Variants in DYRK1A observed in about 807,000 individuals in gnomAD.
DYRK1A encodes dual specificity tyrosine phosphorylation regulated kinase 1A, also known as dual specificity tyrosine-phosphorylation-regulated kinase 1A.
Under a neutral mutation model 79.7 loss-of-function variants are expected in DYRK1A, and 9 were observed. The observed-to-expected ratio is 0.11, with a 90% CI of 0.07 to 0.20. The LOEUF is 0.20. Ranked by LOEUF, DYRK1A falls within the 10% of genes least tolerant of loss-of-function variation. The pLI, the probability that DYRK1A is intolerant of heterozygous loss-of-function variation, is 1.00. For synonymous variants in DYRK1A, 349 were observed against 329.7 expected, an observed-to-expected ratio of 1.06 and a Z score of -0.63; for missense variants, 622 against 956.0, an observed-to-expected ratio of 0.65 and a Z score of 4.61.
chr21:37,472,842 T>C lies in DYRK1A; in HGVS notation c.169T>C (p.Ser57Pro), dbSNP rs1049763. ...NISDQQVSAL[S>P]YSDQIQQPLT... is the part of the protein sequence containing the mutation. ...AAGTGACCAACAGGTTTCTGCCTTA[T>C]CATATTCTGACCAGATTCAGCAACC... The change falls in exon 3 of 12, where the codon TCA becomes CCA. Residue 57 changes from serine to proline, a missense_variant. Around this residue, in one of 5 missense-constraint regions of DYRK1A, gnomAD observed 91 missense variants for 113.8 expected, o/e 0.80. Transcript: ENST00000647188. 1.6e-5 allele frequency: 25 copies of C among 1,602,810 alleles called. No homozygotes were observed. The East Asian group carries it at 2.5e-4, about 16-fold the overall frequency.
At chr21:37,477,294 CA>C (rs1327567409) in intron 3 of DYRK1A, among the ~76,000 whole-genome samples, 9 of 152,126 alleles carry the variant, frequency 5.9e-5, no homozygotes, top group African/African-American at 1.7e-4. Context: ...AAAGATGGGC[CA>C]GGGGGAATGG....
intron 1 of DYRK1A, among the ~76,000 whole-genome samples, chr21:37,393,781 G>C (rs1374821932): frequency 6.6e-6 from 1 of 152,232 alleles, no homozygotes; most frequent in Non-Finnish European, 1.5e-5. Flanking sequence ...GCATCTGCTG[G>C]CACTGGGCAG....
intron 4 of DYRK1A, among the ~76,000 whole-genome samples, chr21:37,479,589 G>GTTTTTTTTTTTTTTT (rs1569361929): frequency 4.0e-5 from 3 of 74,380 alleles, no homozygotes; most frequent in Admixed American, 1.8e-4. Flanking sequence ...CAGTGTTGGT[G>GTTTTTTTTTTTTTTT]TTTTGTTTTT....
intron 11 of DYRK1A, among the ~76,000 whole-genome samples, chr21:37,506,968 C>CA (rs2053615652): frequency 6.6e-6 from 1 of 152,192 alleles, no homozygotes; most frequent in South Asian, 2.1e-4. Context: ...TGTTAATACT[C>CA]ACCAACCTCT....
rs1351019089 is a variant in DYRK1A at position 37,515,174 on chromosome 21, C to T, written c.*2643C>T. 4.6e-5 allele frequency: 7 copies of T among 152,530 alleles called. No homozygotes were observed. Among genetic ancestry groups the T allele is most frequent in the Non-Finnish European group, 2.9e-5 (2 of 68,034 alleles). 9.4% of individuals were successfully genotyped at this position (152,530 alleles called of 1,614,324 possible). A position where few individuals can be genotyped will look rare whatever the true frequency, so the allele number is the denominator to read the frequency against. Reference sequence around the variant, plus strand: ...TATGATAAACAGTTGAATAATTTGTCCTCAGACTCTTTACTATGCTTTTTT... The same window carrying T: ...TATGATAAACAGTTGAATAATTTGTTCTCAGACTCTTTACTATGCTTTTTT... On this transcript the variant is annotated 3_prime_UTR_variant, in exon 12 of 12. Transcript: ENST00000647188.
At chr21:37,480,880 A>T in intron 5 of DYRK1A, 54 bp downstream of exon 5, 2 of 1,441,112 alleles carry the variant, frequency 1.4e-6, no homozygotes, top group Admixed American at 2.2e-5. Flanking sequence ...TTCTTAGTGA[A>T]TCTTGTTGTT....
intron 2 of DYRK1A, among the ~76,000 whole-genome samples, chr21:37,461,387 T>C (rs2051833166): frequency 6.6e-6 from 1 of 152,256 alleles, no homozygotes; most frequent in African/African-American, 2.4e-5. Context: ...CTCCACAATG[T>C]TATTTTTGCT....
intron 3 of DYRK1A, among the ~76,000 whole-genome samples, chr21:37,476,337 C>T (rs1280057355): frequency 6.6e-6 from 1 of 152,174 alleles, no homozygotes. Context: ...ATGCTAAAAA[C>T]ATGTTGTTCA....
intron 2 of DYRK1A, among the ~76,000 whole-genome samples, chr21:37,449,579 G>A (rs1405373527): frequency 6.6e-6 from 1 of 152,160 alleles, no homozygotes. Context: ...AACTGCAAGG[G>A]AGGCTGGAAA....
intron 2 of DYRK1A, among the ~76,000 whole-genome samples, chr21:37,453,882 C>G (rs1300247173): frequency 6.6e-6 from 1 of 152,022 alleles, no homozygotes; most frequent in Admixed American, 6.6e-5. Context: ...TGGTATCACT[C>G]AGCTAGAAAA....
At chr21:37,443,637 T>C (rs538477288) in intron 2 of DYRK1A, among the ~76,000 whole-genome samples, 2 of 152,292 alleles carry the variant, frequency 1.3e-5, no homozygotes, top group African/African-American at 4.8e-5. Flanking sequence ...ATGGGAGCAG[T>C]GTAGTCCTGT....
chr21:37,373,213 C>G (rs1403941574), intron 1 of DYRK1A, among the ~76,000 whole-genome samples: 3 of 152,152 alleles, frequency 2.0e-5, no homozygotes, highest in Non-Finnish European at 2.9e-5. Context: ...ACCGGCTGCC[C>G]TGCCCAGGAT....
chr21:37,365,906 C>T (rs997127198), upstream of DYRK1A: 3 of 152,318 alleles, frequency 2.0e-5, no homozygotes, highest in African/African-American at 7.2e-5. Context: ...TTCATGATGG[C>T]TCCAGCCTAA....
intron 7 of DYRK1A, 52 bp downstream of exon 7, chr21:37,490,513 G>A: frequency 1.3e-6 from 2 of 1,528,600 alleles, no homozygotes; most frequent in South Asian, 1.3e-5. Flanking sequence ...ATAGAAGTAG[G>A]TAGGACAGTG....
intron 1 of DYRK1A, among the ~76,000 whole-genome samples, chr21:37,369,805 C>G (rs775827416): frequency 2.6e-5 from 4 of 152,170 alleles, no homozygotes; most frequent in Non-Finnish European, 5.9e-5. Context: ...GTTTTGAGAT[C>G]TAAGTATAAG....
intron 2 of DYRK1A, among the ~76,000 whole-genome samples, chr21:37,441,653 A>G (rs2051107200): frequency 6.6e-6 from 1 of 152,150 alleles, no homozygotes; most frequent in Non-Finnish European, 1.5e-5. Context: ...TGACCATACC[A>G]TAGTATTCTT....
In DYRK1A at chr21:37,445,427, A is replaced by T. The variant is rs576390648; in HGVS notation, c.10+25043A>T. ...GAGCATTTACTGTGCCAAGCATTTC[A>T]TGTTGGTGCGGGGGATGAAGTAGTG... On this transcript the variant is annotated intron_variant, in intron 2 of 11. Transcript: ENST00000647188. Among the ~76,000 whole-genome samples the T allele has an allele frequency of 5.3e-5, 8 of 152,304 alleles. 1 individual carries two copies. The South Asian group carries it at 1.7e-3, about 32-fold the overall frequency.
At chr21:37,420,213 G>T in intron 1 of DYRK1A, 86 bp from the exon 2 acceptor site, 1 of 448,368 alleles carries the variant, frequency 2.2e-6, no homozygotes. Context: ...TTATGTTTTG[G>T]GATTGTAGTT....
chr21:37,481,422 A>G (rs1219493236), intron 5 of DYRK1A: 2 of 151,946 alleles, frequency 1.3e-5, no homozygotes, highest in Non-Finnish European at 2.9e-5. Flanking sequence ...ACAGACTTGC[A>G]CTCCTGTCAC....
Sources: allele counts gnomAD v4.1 joint callset (sites outside exome capture counted in the v4.1 genomes callset), GRCh38; gene constraint gnomAD v4.1.1; regional missense constraint gnomAD v4.1.1; transcripts MANE v1.5; gene names NCBI Gene and HGNC (gene_info 2026-07-23, HGNC 2026-07-21).